IL6R: variants seen among roughly 807,000 people sequenced by gnomAD.
The protein encoded by IL6R is interleukin 6 receptor.
In IL6R, 38 loss-of-function variants were observed where a neutral mutation model predicts 48.3. The observed-to-expected ratio is 0.79, with a 90% CI of 0.61 to 1.03. The LOEUF (loss-of-function observed/expected upper bound fraction) is 1.03. Among genes scored for constraint, IL6R ranks in the 50% least tolerant of loss-of-function variants. The probability of loss-of-function intolerance (pLI) is 0.00; values close to 1 mark genes in which losing one functional copy is unlikely to be tolerated. For synonymous variants in IL6R, 264 were observed against 256.2 expected (o/e 1.03, Z -0.29); for missense variants, 534 against 618.3 (o/e 0.86, Z 1.45).
At chr1:154,430,440 G>C (rs1290925569) in intron 2 of IL6R, 43 bp from the exon 3 acceptor site, 1 of 1,606,588 alleles carries the variant, frequency 6.2e-7, no homozygotes, top group Non-Finnish European at 8.5e-7. Flanking sequence ...TGCGCCCCAG[G>C]ATCCCCGCCC....
rs1165971497 is a variant in IL6R, at chr1:154,429,229, G to T, written c.119G>T (p.Gly40Val). ...VARGVLTSLP[G>V]DSVTLTCPGV... ...AGAGGCGTGCTGACCAGTCTGCCAG[G>T]AGACAGCGTGACTCTGACCTGCCCG... The change falls in exon 2 of 10, where the codon GGA (glycine) becomes GTA (valine). Residue 40 changes from glycine (G) to valine (V), a missense_variant. Coordinates refer to ENST00000368485, the MANE Select transcript of IL6R (RefSeq NM_000565.4). 6.2e-7 allele frequency: 1 copy of T among 1,613,672 alleles called. No homozygotes were observed. The highest frequency in any genetic ancestry group is 1.3e-5 in the African/African-American group (1 of 74,904).
At chr1:154,424,676 C>T (rs1465404136) in intron 1 of IL6R, among the ~76,000 whole-genome samples, 2 of 152,162 alleles carry the variant, frequency 1.3e-5, no homozygotes, top group Non-Finnish European at 2.9e-5. Flanking sequence ...ATCTTCCATA[C>T]GTAACCGCAT....
At chr1:154,451,616 T>C (rs1374289366) in intron 8 of IL6R, among the ~76,000 whole-genome samples, 1 of 152,074 alleles carries the variant, frequency 6.6e-6, no homozygotes, top group Admixed American at 6.5e-5. Context: ...TTTTTCTTTT[T>C]TTTGAGACGG....
rs1004248730 is a variant in IL6R at position 154,467,259 on chromosome 1, C to T, written c.*1879C>T. ...CTAGTTGTAACACCATGATTAACCA[C>T]TTCAGCTGACTTTTCTGTCCGAGCT... On this transcript the variant is annotated 3_prime_UTR_variant, in exon 10 of 10. Transcript: ENST00000368485. 1 of 152,214 alleles carries T rather than the reference C, an allele frequency of 6.6e-6. No homozygotes were observed. Among genetic ancestry groups the T allele is most frequent in the Non-Finnish European group, 1.5e-5 (1 of 68,034 alleles). 9.4% of individuals were successfully genotyped at this position (152,214 alleles called of 1,614,324 possible). A position where few individuals can be genotyped will look rare whatever the true frequency, so the allele number is the denominator to read the frequency against.
At chr1:154,442,580 GC>G (rs1156774227) in intron 6 of IL6R, among the ~76,000 whole-genome samples, 1 of 152,156 alleles carries the variant, frequency 6.6e-6, no homozygotes, top group Non-Finnish European at 1.5e-5. Flanking sequence ...CTGGGGCCTG[GC>G]CCCCCGCACA....
chr1:154,414,802 A>C, intron 1 of IL6R: 1 of 757,488 alleles, frequency 1.3e-6, no homozygotes, highest in Non-Finnish European at 2.4e-6. Flanking sequence ...GAACTCAGCC[A>C]CCCGCTTCTG....
At chr1:154,411,123 A>G (rs1325748806) in intron 1 of IL6R, among the ~76,000 whole-genome samples, 5 of 152,096 alleles carry the variant, frequency 3.3e-5, no homozygotes, top group Admixed American at 3.3e-4. Context: ...CAGTGGTGCA[A>G]TCTTGGCTCA....
At chr1:154,447,476 T>TATATACACACACACACACACAC (rs1424013885) in intron 6 of IL6R, among the ~76,000 whole-genome samples, 6 of 68,830 alleles carry the variant, frequency 8.7e-5, no homozygotes, top group African/African-American at 3.3e-4. Context: ...TATATATATA[T>TATATACACACACACACACACAC]ACACACACAC....
intron 9 of IL6R, among the ~76,000 whole-genome samples, chr1:154,463,155 G>GT (rs11289103): frequency 0.023 from 3,452 of 149,072 alleles, 119 homozygotes; most frequent in African/African-American, 0.079. Flanking sequence ...TGCATAAAGG[G>GT]TTTTTTTTTT....
intron 9 of IL6R, among the ~76,000 whole-genome samples, chr1:154,460,251 T>C (rs1691169751): frequency 6.6e-6 from 1 of 152,182 alleles, no homozygotes; most frequent in Admixed American, 6.5e-5. Context: ...GCCCACCCTG[T>C]GTCCTCTCCA....
Position 154,405,762 on chromosome 1 carries a change from G to T in IL6R, c.85+48G>T. On this transcript the variant is annotated intron_variant, in intron 1 of 9. Transcript: ENST00000368485. The surrounding 1 kb of genome is among the most constrained non-coding windows in gnomAD (Gnocchi z 5.2). ...GAGGGCTGGGGCAGCTAGCGGCTGG[G>T]GGAAACCGCCTTGGTCACCGCAGTC... The T allele has an allele frequency of 7.5e-7, 1 of 1,329,726 alleles. No homozygotes were observed. Among genetic ancestry groups the T allele is most frequent in the Non-Finnish European group, 9.8e-7 (1 of 1,017,568 alleles). 82.4% of individuals were successfully genotyped at this position (1,329,726 alleles called of 1,614,324 possible). A position where few individuals can be genotyped will look rare whatever the true frequency, so the allele number is the denominator to read the frequency against.
chr1:154,438,545 A>C (rs1689762063), intron 6 of IL6R, among the ~76,000 whole-genome samples: 1 of 152,000 alleles, frequency 6.6e-6, no homozygotes, highest in Non-Finnish European at 1.5e-5. Flanking sequence ...CATTTATTTG[A>C]GTAAGTATGG....
At chr1:154,436,220 G>GCCACCACACC in intron 6 of IL6R, 110 bp downstream of exon 6, 2 of 1,233,560 alleles carry the variant, frequency 1.6e-6, no homozygotes, top group Non-Finnish European at 2.3e-6. Flanking sequence ...GCCAGGTGTG[G>GCCACCACACC]TGGCTCACAC....
At position 154,405,572 on chromosome 1, in the gene IL6R, G is replaced by T; in HGVS notation, c.-58G>T. 1 of 517,450 alleles carries T rather than the reference G, an allele frequency of 1.9e-6. No individual in the cohort carries two copies. Among genetic ancestry groups the T allele is most frequent in the Admixed American group, 5.3e-5 (1 of 18,798 alleles). The allele number at this position is 517,450 out of a possible 1,614,324, so 32.1% of individuals were successfully genotyped here. Reference sequence around the variant, plus strand: ...CCCGCCCCTGCCACCCCTGCCGCCCGGTTCCCATTAGCCTGTCCGCCTCTG... The same window carrying T: ...CCCGCCCCTGCCACCCCTGCCGCCCTGTTCCCATTAGCCTGTCCGCCTCTG... On this transcript the variant is annotated 5_prime_UTR_variant, in exon 1 of 10. Transcript: ENST00000368485. This position sits in a 1 kb window ranked among gnomAD's most constrained non-coding sequence, Gnocchi z 5.2.
intron 5 of IL6R, among the ~76,000 whole-genome samples, 171 bp from the exon 6 acceptor site, chr1:154,435,798 G>A (rs541298310): frequency 1.3e-5 from 2 of 152,200 alleles, no homozygotes; most frequent in Non-Finnish European, 2.9e-5. Flanking sequence ...TTCAGCTTCC[G>A]TGGGCCCTGA....
chr1:154,454,613 T>C, intron 9 of IL6R, 32 bp downstream of exon 9: 1 of 1,399,722 alleles, frequency 7.1e-7, no homozygotes, highest in Non-Finnish European at 1.0e-6. Context: ...GGCCCTGTGG[T>C]GTTCTCATAT....
chr1:154,419,652 G>T (rs1220083613), intron 1 of IL6R, among the ~76,000 whole-genome samples: 1 of 152,182 alleles, frequency 6.6e-6, no homozygotes, highest in African/African-American at 2.4e-5. Context: ...GCAGGCACGA[G>T]CCAAGCCTGT....
At chr1:154,422,542 G>GT (rs920322622) in intron 1 of IL6R, among the ~76,000 whole-genome samples, 86 of 150,308 alleles carry the variant, frequency 5.7e-4, no homozygotes, top group African/African-American at 1.5e-3. Context: ...TCAATATGGA[G>GT]TTTTTTTTTT....
chr1:154,423,846 G>A (rs1234991250), intron 1 of IL6R, among the ~76,000 whole-genome samples: 2 of 152,010 alleles, frequency 1.3e-5, no homozygotes, highest in Non-Finnish European at 2.9e-5. Flanking sequence ...TTTTGTGGAA[G>A]AGGGAAAAAA....
Sources: allele counts gnomAD v4.1 joint callset (sites outside exome capture counted in the v4.1 genomes callset), GRCh38; gene constraint gnomAD v4.1.1; non-coding constraint Gnocchi (gnomAD v3.1); transcripts MANE v1.5; gene names NCBI Gene and HGNC (gene_info 2026-07-23, HGNC 2026-07-21).